Variants in NTNG1 observed in about 807,000 individuals in gnomAD.
The protein encoded by NTNG1 is netrin G1.
In NTNG1, 16 loss-of-function variants were observed where a neutral mutation model predicts 54.0. That is an observed-to-expected ratio of 0.30 (90% CI 0.20 to 0.45). NTNG1 has a LOEUF of 0.45. NTNG1 is among the 20% of genes least tolerant of loss of function. The pLI is 1.00. For missense variants in NTNG1, 530 were observed against 678.7 expected, an observed-to-expected ratio of 0.78 and a Z score of 2.43; for synonymous variants, 255 against 263.1, an observed-to-expected ratio of 0.97 and a Z score of 0.30.
chr1:107,314,106 G>C (rs1667187251), intron 2 of NTNG1, among the ~76,000 whole-genome samples: 1 of 152,040 alleles, frequency 6.6e-6, no homozygotes, highest in Admixed American at 6.6e-5. Flanking sequence ...ATTCAAATCT[G>C]CTCTTTAAAA....
intron 2 of NTNG1, among the ~76,000 whole-genome samples, chr1:107,236,569 A>G (rs1661427162): frequency 6.6e-6 from 1 of 152,166 alleles, no homozygotes; most frequent in Admixed American, 6.5e-5. Flanking sequence ...AGGCTGAAAA[A>G]TGGTTTATAA....
intron 3 of NTNG1, among the ~76,000 whole-genome samples, chr1:107,364,655 C>T (rs578235976): frequency 6.6e-6 from 1 of 152,190 alleles, no homozygotes; most frequent in East Asian, 1.9e-4. Context: ...CATAAGAAAG[C>T]ATCTCCATCA....
chr1:107,326,652 C>A (rs990257980), intron 3 of NTNG1, among the ~76,000 whole-genome samples: 3 of 152,006 alleles, frequency 2.0e-5, no homozygotes, highest in Admixed American at 6.6e-5. Context: ...CTACATTGCT[C>A]GGTAGATTCA....
rs565748372 is a variant in NTNG1, at chr1:107,452,887, G to A, written c.1390+16088G>A. On this transcript the variant is annotated intron_variant, in intron 7 of 7. Coordinates refer to ENST00000370068, the MANE Select transcript of NTNG1 (RefSeq NM_001113226.3). ...ACGCAAAATGGACTAAAACAAATGG[G>A]GAGTAGAAGTATAAAGAATTGAAAG... Among the ~76,000 whole-genome samples the A allele has an allele frequency of 2.0e-5, 3 of 152,288 alleles. No homozygotes were observed. The South Asian group carries it at 6.2e-4, about 32-fold the overall frequency.
intron 7 of NTNG1, among the ~76,000 whole-genome samples, chr1:107,453,369 A>T (rs530433285): frequency 9.2e-5 from 14 of 152,336 alleles, no homozygotes; most frequent in Non-Finnish European, 1.6e-4. Flanking sequence ...CTAAAACTTC[A>T]TCCAGAAACT....
At chr1:107,345,303 T>G (rs1408250949) in intron 3 of NTNG1, among the ~76,000 whole-genome samples, 1 of 152,198 alleles carries the variant, frequency 6.6e-6, no homozygotes, top group Admixed American at 6.5e-5. Context: ...CGAAACATTA[T>G]AAGCCGGAAC....
At chr1:107,182,535 A>T (rs746284625) in intron 2 of NTNG1, among the ~76,000 whole-genome samples, 1 of 152,190 alleles carries the variant, frequency 6.6e-6, no homozygotes, top group Non-Finnish European at 1.5e-5. Context: ...GATAGATACA[A>T]GAAAAAAAAT....
At chr1:107,189,076 G>C (rs1238072948) in intron 2 of NTNG1, among the ~76,000 whole-genome samples, 1 of 151,974 alleles carries the variant, frequency 6.6e-6, no homozygotes, top group African/African-American at 2.4e-5. Flanking sequence ...TATAGGCCTA[G>C]CACCGTGGCT....
chr1:107,266,983 T>A (rs1663786195), intron 2 of NTNG1, among the ~76,000 whole-genome samples: 1 of 152,166 alleles, frequency 6.6e-6, no homozygotes, highest in East Asian at 1.9e-4. Flanking sequence ...AGGGTCAGAG[T>A]TAAAGGTGTA....
chr1:107,211,937 A>G (rs1447493468), intron 2 of NTNG1, among the ~76,000 whole-genome samples: 1 of 152,180 alleles, frequency 6.6e-6, no homozygotes, highest in Non-Finnish European at 1.5e-5. Flanking sequence ...ATGTATTTGG[A>G]AAAATGCAGC....
chr1:107,211,613 C>T (rs1409079846), intron 2 of NTNG1, among the ~76,000 whole-genome samples: 1 of 152,118 alleles, frequency 6.6e-6, no homozygotes, highest in East Asian at 1.9e-4. Flanking sequence ...ATAAGCCCAT[C>T]AGCTGACAGA....
rs1051428033 is a variant in NTNG1, at chr1:107,480,533, A to G, written c.1391-78A>G. ...ATTTTTTTTTTAGGCTGAAAACATG[A>G]TGTACCAGATGAACTTCAATTGATT... On this transcript the variant is annotated intron_variant, in intron 7 of 7. Transcript: ENST00000370068. 6.0e-6 allele frequency: 5 copies of G among 836,252 alleles called. No individual in the cohort carries two copies. The African/African-American group carries it at 8.5e-5, about 14-fold the overall frequency. 51.8% of individuals were successfully genotyped at this position (836,252 alleles called of 1,614,324 possible).
intron 3 of NTNG1, among the ~76,000 whole-genome samples, chr1:107,382,896 C>T (rs1671735842): frequency 6.6e-6 from 1 of 151,924 alleles, no homozygotes; most frequent in South Asian, 2.1e-4. Flanking sequence ...TAGGTGCACT[C>T]TTCTCTATTG....
chr1:107,383,159 T>A (rs894253428), intron 3 of NTNG1, among the ~76,000 whole-genome samples: 1 of 152,200 alleles, frequency 6.6e-6, no homozygotes, highest in Non-Finnish European at 1.5e-5. Context: ...GATGAAATAA[T>A]CTTTTTTTAA....
chr1:107,447,372 G>A (rs1237254693), intron 7 of NTNG1, among the ~76,000 whole-genome samples: 1 of 152,062 alleles, frequency 6.6e-6, no homozygotes. Context: ...TATTAGTGAT[G>A]CAATGTCAGA....
intron 2 of NTNG1, among the ~76,000 whole-genome samples, chr1:107,224,268 T>C (rs1660536146): frequency 6.6e-6 from 1 of 152,138 alleles, no homozygotes; most frequent in African/African-American, 2.4e-5. Flanking sequence ...TAACCTTACC[T>C]GAAGATCTGA....
At chr1:107,276,899 G>C (rs187960793) in intron 2 of NTNG1, among the ~76,000 whole-genome samples, 80 of 151,694 alleles carry the variant, frequency 5.3e-4, no homozygotes, top group African/African-American at 1.9e-3. Context: ...ATGGTGAATA[G>C]AGGTCCTCCA....
At chr1:107,474,774 C>T (rs772964570) in intron 7 of NTNG1, among the ~76,000 whole-genome samples, 6 of 152,146 alleles carry the variant, frequency 3.9e-5, no homozygotes, top group Non-Finnish European at 7.4e-5. Context: ...CCCATGATAA[C>T]AAACCCTCTC....
intron 4 of NTNG1, among the ~76,000 whole-genome samples, chr1:107,400,651 G>GTTTTTTTTTTTTTTTTT (rs370579128): frequency 6.8e-6 from 1 of 147,504 alleles, no homozygotes. Context: ...TGTGGAATAA[G>GTTTTTTTTTTTTTTTTT]TTTTTTTTTT....
Sources: gnomAD v4.1 joint callset for allele counts (sites outside exome capture counted in the v4.1 genomes callset) on GRCh38, gnomAD v4.1.1 for gene constraint, MANE v1.5 for transcripts, NCBI Gene and HGNC (gene_info 2026-07-23, HGNC 2026-07-21) for gene names.